MAJIN: variants seen among roughly 807,000 people sequenced by gnomAD.
The protein encoded by MAJIN is membrane anchored junction protein.
MAJIN carries 27 observed loss-of-function variants against 30.2 expected under a neutral mutation model. The ratio of observed to expected loss-of-function variants is 0.89; its 90% CI spans 0.66 to 1.23. MAJIN has a LOEUF of 1.23. Among genes scored for constraint, MAJIN ranks in the 50% most tolerant of loss-of-function variants. The pLI is 0.00. For synonymous variants in MAJIN, 78 were observed against 91.6 expected, an observed-to-expected ratio of 0.85 and a Z score of 0.85; for missense variants, 253 against 260.3, an observed-to-expected ratio of 0.97 and a Z score of 0.19.
At chr11:64,950,245 G>A (rs181515919) in intron 5 of MAJIN, 110 bp downstream of exon 5, 44 of 912,366 alleles carry the variant, frequency 4.8e-5, no homozygotes, top group South Asian at 4.1e-4. Context: ...CAAGAGAATC[G>A]CTTGAACCTG....
At chr11:64,946,302 C>A in intron 8 of MAJIN, 1 of 783,992 alleles carries the variant, frequency 1.3e-6, no homozygotes, top group Non-Finnish European at 1.9e-6. Context: ...GCCAAATTTT[C>A]TTTGGGTGCT....
chr11:64,938,576 G>A lies in MAJIN; in HGVS notation c.*2-3C>T. 1 of 1,535,680 alleles carries A rather than the reference G, an allele frequency of 6.5e-7. No individual in the cohort carries two copies. Among genetic ancestry groups the A allele is most frequent in the Non-Finnish European group, 8.7e-7 (1 of 1,146,580 alleles). ...AATATCGAAACGGGAAGAGAGAGCT[G>A]CAAGAATGAGAACAGAGTAGGCTGA... is the stretch of plus-strand genomic sequence containing the variant. On this transcript the variant is annotated splice_polypyrimidine_tract_variant and splice_region_variant and intron_variant, in intron 10 of 10. Transcript: ENST00000301896.
At chr11:64,943,186 G>T (rs905359166) in intron 8 of MAJIN, among the ~76,000 whole-genome samples, 1 of 152,178 alleles carries the variant, frequency 6.6e-6, no homozygotes, top group South Asian at 2.1e-4. Flanking sequence ...AGTGCAGTTC[G>T]AACAGATATA....
Position 64,959,433 on chromosome 11 carries a change from TAGAA to T in MAJIN, c.-17-15_-17-12del, listed in dbSNP as rs761488245. ...CTCCCAAACGATAGCCTAAATAAAA[TAGAA>T]AGAGAATTACTAAAAAGCTAACGAT... On this transcript the variant is annotated splice_polypyrimidine_tract_variant and intron_variant, in intron 2 of 10. Transcript: ENST00000301896. The T allele has an allele frequency of 6.3e-7, 1 of 1,584,034 alleles. No individual in the cohort carries two copies. Among genetic ancestry groups the T allele is most frequent in the Admixed American group, 1.7e-5 (1 of 59,288 alleles).
At chr11:64,947,744 G>T in intron 7 of MAJIN, 44 bp downstream of exon 7, 1 of 1,592,994 alleles carries the variant, frequency 6.3e-7, no homozygotes, top group Non-Finnish European at 8.6e-7. Context: ...AAAAAAGAAG[G>T]TGATAAAGGC....
chr11:64,952,956 C>T (rs566720634), intron 4 of MAJIN, among the ~76,000 whole-genome samples: 11 of 151,878 alleles, frequency 7.2e-5, no homozygotes, highest in South Asian at 2.1e-4. Context: ...CCACCTGCCT[C>T]GGCCTCCCAA....
chr11:64,957,679 C>T (rs1278283643), intron 3 of MAJIN, among the ~76,000 whole-genome samples: 1 of 152,132 alleles, frequency 6.6e-6, no homozygotes, highest in East Asian at 1.9e-4. Flanking sequence ...GCTGGTATTA[C>T]AGATGTGAGC....
At chr11:64,971,476 A>AAGG (rs201940825) in intron 1 of MAJIN, among the ~76,000 whole-genome samples, 42 of 145,202 alleles carry the variant, frequency 2.9e-4, no homozygotes, top group African/African-American at 8.4e-4. Context: ...GGGGGCGGGG[A>AAGG]AGGAGGAGGA....
At chr11:64,957,823 A>C (rs1420066554) in intron 3 of MAJIN, among the ~76,000 whole-genome samples, 1 of 151,454 alleles carries the variant, frequency 6.6e-6, no homozygotes, top group Non-Finnish European at 1.5e-5. Context: ...CAGCCTCCTG[A>C]ATAGCTGGGA....
At chr11:64,961,940 C>A (rs2136806768) in intron 1 of MAJIN, among the ~76,000 whole-genome samples, 1 of 152,144 alleles carries the variant, frequency 6.6e-6, no homozygotes, top group Non-Finnish European at 1.5e-5. Context: ...AGATGCATAC[C>A]ACCATGCCCA....
rs561079193 is a variant in MAJIN, at chr11:64,938,492, A to G, written c.*83T>C. ...GGCTCGGGAGGAGTCACTACAAGAG[A>G]TGATCCTCTTTCCAGCGCTGCATTT... On this transcript the variant is annotated 3_prime_UTR_variant, in exon 11 of 11. Transcript: ENST00000301896. 28 of 1,527,310 alleles carry G rather than the reference A, an allele frequency of 1.8e-5. No homozygotes were observed. The African/African-American group carries it at 3.3e-4, about 18-fold the overall frequency. 94.6% of individuals were successfully genotyped at this position (1,527,310 alleles called of 1,614,324 possible).
intron 8 of MAJIN, among the ~76,000 whole-genome samples, chr11:64,944,702 T>C (rs1324424091): frequency 6.6e-6 from 1 of 152,170 alleles, no homozygotes; most frequent in Non-Finnish European, 1.5e-5. Context: ...CATGTAAATG[T>C]TTACTCGATA....
rs569987156 is a variant in MAJIN, at chr11:64,962,640, G to C, written c.-64-2505C>G. ...CTGCTTCTGCCTCTATTAGTCATTA[G>C]TCCCTGAGCAAGTCACTTAACTTCT... On this transcript the variant is annotated intron_variant, in intron 1 of 10. Coordinates refer to ENST00000301896, the MANE Select transcript of MAJIN (RefSeq NM_001037225.3). 2.6e-5 allele frequency among the ~76,000 whole-genome samples: 4 copies of C among 152,288 alleles called. 1 individual carries two copies. Among genetic ancestry groups the C allele is most frequent in the Non-Finnish European group, 1.5e-5 (1 of 68,024 alleles).
intron 1 of MAJIN, among the ~76,000 whole-genome samples, chr11:64,961,467 ATTT>A (rs36053356): frequency 9.0e-4 from 53 of 59,168 alleles, no homozygotes; most frequent in East Asian, 1.5e-3. Flanking sequence ...GTGCCCGGCA[ATTT>A]TTTTTTTTTT....
rs765739578 is a variant in MAJIN at position 64,949,800 on chromosome 11, G to C, written c.292C>G (p.Pro98Ala). The C allele has an allele frequency of 3.7e-6, 6 of 1,611,862 alleles. No homozygotes were observed. The South Asian group carries it at 5.5e-5, about 15-fold the overall frequency. Residue 98 changes from proline (P) to alanine (A), a missense_variant, in exon 6 of 11, where the codon CCA becomes GCA. By Grantham distance (27) the Pro-to-Ala change is conservative. Transcript: ENST00000301896. ...TCCACATATAGAGTAAAAACAAATG[G>C]GTAGGGGATCAAGATAATTTCCCCA... ...KHGEIILIPY[P>A]FVFTLYVEMK...
At chr11:64,946,772 T>C (rs1251870093) in intron 8 of MAJIN, among the ~76,000 whole-genome samples, 2 of 152,186 alleles carry the variant, frequency 1.3e-5, no homozygotes, top group African/African-American at 4.8e-5. Flanking sequence ...ATGACTGAAT[T>C]GTCTTACTGA....
rs761956902 is a variant in MAJIN at position 64,939,780 on chromosome 11, C to T, written c.547-13G>A. The T allele has an allele frequency of 1.2e-6, 2 of 1,612,144 alleles. No homozygotes were observed. The highest frequency in any genetic ancestry group is 2.2e-5 in the East Asian group (1 of 44,836). Reference sequence around the variant, plus strand: ...CCCCACTCAGAATCTGTAAGGAAAACAATCAGGCAGGAGCAAGATGTTTGT... The same window carrying T: ...CCCCACTCAGAATCTGTAAGGAAAATAATCAGGCAGGAGCAAGATGTTTGT... On this transcript the variant is annotated splice_polypyrimidine_tract_variant and intron_variant, in intron 9 of 10. Transcript: ENST00000301896.
intron 8 of MAJIN, among the ~76,000 whole-genome samples, chr11:64,944,489 T>C (rs1010836317): frequency 6.6e-6 from 1 of 152,102 alleles, no homozygotes; most frequent in African/African-American, 2.4e-5. Flanking sequence ...CAAAACCCCA[T>C]CTCTACAAAA....
chr11:64,954,657 G>C (rs769403285), intron 4 of MAJIN, 100 bp downstream of exon 4: 3 of 1,174,390 alleles, frequency 2.6e-6, no homozygotes, highest in Non-Finnish European at 3.8e-6. Context: ...AAGTTATCAA[G>C]TGGAGGTTGT....
Sources: gnomAD v4.1 joint callset for allele counts (sites outside exome capture counted in the v4.1 genomes callset) on GRCh38, gnomAD v4.1.1 for gene constraint, MANE v1.5 for transcripts, NCBI Gene and HGNC (gene_info 2026-07-23, HGNC 2026-07-21) for gene names.